The following NHS variants were observed in gnomAD, a reference collection of about 807,000 sequenced individuals.
NHS encodes actin remodeling regulator NHS.
Under a neutral mutation model 72.5 loss-of-function variants are expected in NHS, and 5 were observed. The ratio of observed to expected loss-of-function variants is 0.07; its 90% CI spans 0.04 to 0.14. The LOEUF is 0.14. NHS is among the 10% of genes least tolerant of loss of function. The probability of loss-of-function intolerance (pLI) is 1.00; values close to 1 mark genes in which losing one functional copy is unlikely to be tolerated. For synonymous variants in NHS, 464 were observed against 547.7 expected (o/e 0.85, Z 2.13); for missense variants, 1,072 against 1,355.7 (o/e 0.79, Z 3.29).
At chrX:17,443,933 G>T (rs752789837) in intron 1 of NHS, among the ~76,000 whole-genome samples, 11 of 111,879 alleles carry the variant, frequency 9.8e-5, no homozygotes, top group Non-Finnish European at 2.1e-4. Flanking sequence ...CTCTGGCATG[G>T]CTTGTGCCTA....
intron 1 of NHS, among the ~76,000 whole-genome samples, chrX:17,473,556 G>A (rs1441192952): frequency 1.8e-5 from 2 of 111,959 alleles, no homozygotes; most frequent in African/African-American, 6.5e-5. Context: ...AAAAGTTTTT[G>A]TTCTTTGCAA....
chrX:17,469,640 G>A (rs1403737375), intron 1 of NHS, among the ~76,000 whole-genome samples: 4 of 111,934 alleles, frequency 3.6e-5, no homozygotes, highest in African/African-American at 1.3e-4. Context: ...TCAAGAATGA[G>A]TTCTATAAGT....
chrX:17,666,642 ATGAATGAATGAG>A (rs1187869940), intron 1 of NHS, among the ~76,000 whole-genome samples: 3 of 107,996 alleles, frequency 2.8e-5, no homozygotes, highest in African/African-American at 3.7e-5. Flanking sequence ...GAGCAACTGG[ATGAATGAATGAG>A]TGAATGAATG....
At chrX:17,461,758 C>G (rs1222180381) in intron 1 of NHS, among the ~76,000 whole-genome samples, 1 of 113,176 alleles carries the variant, frequency 8.8e-6, no homozygotes, top group African/African-American at 3.2e-5. Context: ...TTCAGCAAAC[C>G]TTTTGGGCTC....
intron 1 of NHS, among the ~76,000 whole-genome samples, chrX:17,610,290 G>T: frequency 8.9e-6 from 1 of 111,942 alleles, no homozygotes; most frequent in Non-Finnish European, 1.9e-5. Flanking sequence ...CAAGGAAAAA[G>T]AACTAATATC....
intron 1 of NHS, among the ~76,000 whole-genome samples, chrX:17,566,258 C>T (rs142333696): frequency 0.028 from 3,075 of 111,179 alleles, 98 homozygotes; most frequent in Admixed American, 0.074. Flanking sequence ...GCTGGGATTA[C>T]GGGCATGAGC....
Position 17,727,258 on chromosome X carries a change from A to G in NHS, c.3152A>G (p.Lys1051Arg). 1 of 1,211,615 alleles carries G rather than the reference A, an allele frequency of 8.3e-7. No individual in the cohort carries two copies. The highest frequency in any genetic ancestry group is 1.1e-6 in the Non-Finnish European group (1 of 895,163). Residue 1051 changes from lysine to arginine, a missense_variant, in exon 7 of 9, where the codon AAA becomes AGA. Coordinates refer to ENST00000676302, the MANE Select transcript of NHS (RefSeq NM_001291867.2). ...FSGPLSPGGS[K>R]RKPKVPERKS... is the part of the protein sequence containing the mutation. Reference sequence around the variant, plus strand: ...GGTCCATTGTCTCCCGGAGGTAGCAAAAGAAAACCTAAAGTCCCAGAAAGA... The same window carrying G: ...GGTCCATTGTCTCCCGGAGGTAGCAGAAGAAAACCTAAAGTCCCAGAAAGA...
chrX:17,666,654 GTGAATGAA>G (rs201506112), intron 1 of NHS, among the ~76,000 whole-genome samples: 4 of 111,839 alleles, frequency 3.6e-5, no homozygotes, highest in Non-Finnish European at 7.5e-5. Flanking sequence ...GAATGAATGA[GTGAATGAA>G]TGAATGAATG....
At chrX:17,524,568 C>A (rs1312604582) in intron 1 of NHS, among the ~76,000 whole-genome samples, 1 of 111,757 alleles carries the variant, frequency 8.9e-6, no homozygotes, top group Admixed American at 9.5e-5. Flanking sequence ...AGAATACCAG[C>A]CAGTTGTTTT....
At chrX:17,493,521 T>C (rs747004371) in intron 1 of NHS, among the ~76,000 whole-genome samples, 1 of 111,963 alleles carries the variant, frequency 8.9e-6, no homozygotes, top group East Asian at 2.8e-4. Context: ...GCATCGCCAG[T>C]CCCCCAGCAC....
chrX:17,493,905 G>A (rs1354853172), intron 1 of NHS, among the ~76,000 whole-genome samples: 1 of 109,991 alleles, frequency 9.1e-6, no homozygotes, highest in Non-Finnish European at 1.9e-5. Context: ...GCAGGGCAGG[G>A]CAAAGGAATG....
intron 1 of NHS, among the ~76,000 whole-genome samples, chrX:17,573,837 G>A (rs1235632161): frequency 1.8e-5 from 2 of 111,735 alleles, no homozygotes; most frequent in Non-Finnish European, 3.8e-5. Context: ...GGTCTTTGAT[G>A]TTGGTGACCT....
intron 1 of NHS, among the ~76,000 whole-genome samples, chrX:17,425,664 T>A (rs1008162554): frequency 2.8e-5 from 3 of 106,805 alleles, no homozygotes; most frequent in African/African-American, 1.0e-4. Flanking sequence ...TACCTGAAGC[T>A]GAATCCAAGC....
At chrX:17,494,909 T>C (rs893521666) in intron 1 of NHS, among the ~76,000 whole-genome samples, 1 of 112,369 alleles carries the variant, frequency 8.9e-6, no homozygotes, top group Admixed American at 9.4e-5. Context: ...TTAAGAGTTC[T>C]GATGGTCACA....
intron 1 of NHS, among the ~76,000 whole-genome samples, chrX:17,546,781 G>T (rs186653279): frequency 1.8e-5 from 2 of 112,528 alleles, no homozygotes; most frequent in African/African-American, 6.5e-5. Flanking sequence ...GCCACTGAAA[G>T]ATTGCGTAGA....
intron 3 of NHS, among the ~76,000 whole-genome samples, chrX:17,714,280 G>A (rs150214529): frequency 0.024 from 2,630 of 110,504 alleles, 40 homozygotes; most frequent in Middle Eastern, 0.057. Context: ...TTAAACTGAC[G>A]GTTTGTTTCC....
At chrX:17,668,620 G>A (rs141562995) in intron 1 of NHS, among the ~76,000 whole-genome samples, 52 of 110,738 alleles carry the variant, frequency 4.7e-4, no homozygotes, top group African/African-American at 1.5e-3. Flanking sequence ...CTGCTCAAAT[G>A]TCACCTTTGC....
chrX:17,406,604 G>C (rs1399129937), intron 1 of NHS, among the ~76,000 whole-genome samples: 1 of 111,217 alleles, frequency 9.0e-6, no homozygotes, highest in African/African-American at 3.3e-5. Flanking sequence ...GTTGTGCCAT[G>C]GGACTCTTTT....
At chrX:17,641,564 A>G (rs1253165915) in intron 1 of NHS, among the ~76,000 whole-genome samples, 1 of 111,239 alleles carries the variant, frequency 9.0e-6, no homozygotes, top group Non-Finnish European at 1.9e-5. Flanking sequence ...CTTGCATTTA[A>G]TAGATATCTA....
Sources: gnomAD v4.1 joint callset for allele counts (sites outside exome capture counted in the v4.1 genomes callset) on GRCh38, gnomAD v4.1.1 for gene constraint, MANE v1.5 for transcripts, NCBI Gene and HGNC (gene_info 2026-07-23, HGNC 2026-07-21) for gene names.